The following TOP1MT variants were observed in gnomAD, a reference collection of about 807,000 sequenced individuals.
The protein encoded by TOP1MT is DNA topoisomerase I mitochondrial.
A neutral mutation model predicts 73.9 loss-of-function variants in TOP1MT; 80 were observed. The ratio of observed to expected loss-of-function variants is 1.08; its 90% CI spans 0.90 to 1.30. The LOEUF is 1.30. Ranked by LOEUF, TOP1MT falls within the 50% of genes most tolerant of loss-of-function variation. TOP1MT has a pLI of 0.00. For synonymous variants in TOP1MT, 338 were observed against 326.4 expected, an observed-to-expected ratio of 1.04 and a Z score of -0.38; for missense variants, 815 against 808.0, an observed-to-expected ratio of 1.01 and a Z score of -0.10.
chr8:143,355,921 T>C (rs978796059), intron 1 of TOP1MT: 1 of 152,174 alleles, frequency 6.6e-6, no homozygotes, highest in Non-Finnish European at 1.5e-5. Context: ...CACTGCCCCA[T>C]TTCACCTCAC....
chr8:143,313,465 G>A (rs975120212), intron 12 of TOP1MT, among the ~76,000 whole-genome samples: 20 of 149,520 alleles, frequency 1.3e-4, no homozygotes, highest in Non-Finnish European at 2.1e-4. Flanking sequence ...CAGGAGAATC[G>A]CTTGAACCCA....
At chr8:143,332,793 G>T (rs533427284) in intron 1 of TOP1MT, 39 of 349,116 alleles carry the variant, frequency 1.1e-4, no homozygotes, top group African/African-American at 8.2e-4. Context: ...AGCACTTTGG[G>T]AGGCTGAGGC....
chr8:143,339,254 C>T (rs1326891359), upstream of TOP1MT, among the ~76,000 whole-genome samples: 1 of 152,216 alleles, frequency 6.6e-6, no homozygotes, highest in Non-Finnish European at 1.5e-5. Flanking sequence ...AACCAAAATA[C>T]TGTCATTCAA....
chr8:143,343,557 G>T (rs545351876), intron 1 of TOP1MT: 2 of 274,644 alleles, frequency 7.3e-6, no homozygotes, highest in African/African-American at 4.4e-5. Context: ...TCCCGGCCTC[G>T]GGAAGAGTGG....
At chr8:143,350,542 G>A (rs917032381) in intron 1 of TOP1MT, among the ~76,000 whole-genome samples, 1 of 152,158 alleles carries the variant, frequency 6.6e-6, no homozygotes, top group African/African-American at 2.4e-5. Context: ...ATGTTGGCCA[G>A]GCTGGCCTCG....
intron 11 of TOP1MT, 36 bp downstream of exon 11, chr8:143,315,963 G>C: frequency 6.2e-7 from 1 of 1,613,864 alleles, no homozygotes; most frequent in South Asian, 1.1e-5. Flanking sequence ...GGGGTCCCTT[G>C]AGGGCTGGGC....
At chr8:143,343,132 A>G (rs1817161681) in intron 2 of TOP1MT, 1 of 453,870 alleles carries the variant, frequency 2.2e-6, no homozygotes, top group Admixed American at 2.4e-5. Flanking sequence ...TCATATCTGC[A>G]AGAATAAGCA....
intron 2 of TOP1MT, among the ~76,000 whole-genome samples, chr8:143,342,776 C>CTATTATTATTAT (rs748359888): frequency 0.29 from 22,735 of 78,030 alleles, 5,176 homozygotes; most frequent in South Asian, 0.52. Context: ...GAGTCTTGCT[C>CTATTATTATTAT]TATTATTATT....
upstream of TOP1MT, among the ~76,000 whole-genome samples, chr8:143,347,256 G>A (rs1563773472): frequency 6.6e-6 from 1 of 152,252 alleles, no homozygotes; most frequent in South Asian, 2.1e-4. Flanking sequence ...CTGGGTTCAC[G>A]CCGTTCTACT....
At chr8:143,335,680 G>C (rs1816970191), upstream of TOP1MT, among the ~76,000 whole-genome samples, 1 of 152,226 alleles carries the variant, frequency 6.6e-6, no homozygotes, top group Admixed American at 6.5e-5. Context: ...GTCTTCCCCG[G>C]TAAAACCCTG....
intron 1 of TOP1MT, among the ~76,000 whole-genome samples, chr8:143,353,275 G>A (rs1348023601): frequency 2.6e-5 from 4 of 152,090 alleles, no homozygotes; most frequent in African/African-American, 7.2e-5. Flanking sequence ...AATTAGCTGG[G>A]CGTGGTGACG....
At position 143,318,000 on chromosome 8, in the gene TOP1MT, A is replaced by G. The variant is rs1185741845; in HGVS notation, c.1215+18T>C. On this transcript the variant is annotated intron_variant, in intron 9 of 13. Coordinates refer to ENST00000329245, the MANE Select transcript of TOP1MT (RefSeq NM_052963.3). Reference sequence around the variant, plus strand: ...GTCCTGCCGCCGCCCACTGCTGAGGAAACACGAGCCGGCTTACGGTCAGCC... The same window carrying G: ...GTCCTGCCGCCGCCCACTGCTGAGGGAACACGAGCCGGCTTACGGTCAGCC... 6.2e-7 allele frequency: 1 copy of G among 1,614,090 alleles called. No homozygotes were observed. Among genetic ancestry groups the G allele is most frequent in the Non-Finnish European group, 8.5e-7 (1 of 1,179,974 alleles).
chr8:143,341,118 GC>G lies in TOP1MT; in HGVS notation c.29+2101del, dbSNP rs1817072108. On this transcript the variant is annotated intron_variant, in intron 2 of 5. Transcript: ENST00000518007. The surrounding 1 kb of genome is among the most constrained non-coding windows in gnomAD (Gnocchi z 4.1). ...CCCCACAGCTGAGGGTCTCAGGCTT[GC>G]CCCTAGCGTCCCCGCCACCCTCTTC... Among the ~76,000 whole-genome samples the G allele has an allele frequency of 6.6e-6, 1 of 152,156 alleles. No individual in the cohort carries two copies. The highest frequency in any genetic ancestry group is 6.5e-5 in the Admixed American group (1 of 15,284).
chr8:143,322,792 ATGCACACACACATGCATGCCACACACAGG>A lies in TOP1MT; in HGVS notation c.960+1178_960+1206del, dbSNP rs1414749263. On this transcript the variant is annotated intron_variant, in intron 7 of 13. Transcript: ENST00000329245. ...CGCCACACACAGGCACGCCACACAC[ATGCACACACACATGCATGCCACACACAGG>A]CACGCCACACACGCACACCACACAC... Among the ~76,000 whole-genome samples the A allele has an allele frequency of 2.1e-4, 6 of 28,720 alleles. 1 individual carries two copies. Among genetic ancestry groups the A allele is most frequent in the Non-Finnish European group, 2.5e-4 (4 of 16,322 alleles). The allele number at this position is 28,720 out of a possible 152,430, so 18.8% of individuals were successfully genotyped here.
At position 143,341,897 on chromosome 8, in the gene TOP1MT, CAG is replaced by C. The variant is rs1326776597; in HGVS notation, c.29+1321_29+1322del. Among the ~76,000 whole-genome samples, 4 of 152,076 alleles carry C rather than the reference CAG, an allele frequency of 2.6e-5. No individual in the cohort carries two copies. Among genetic ancestry groups the C allele is most frequent in the Admixed American group, 6.5e-5 (1 of 15,270 alleles). On this transcript the variant is annotated intron_variant, in intron 2 of 5. Transcript: ENST00000518007. The surrounding 1 kb of genome is among the most constrained non-coding windows in gnomAD (Gnocchi z 4.1). ...CCCTTCTTCTTCTTCTTATTAGCGA[CAG>C]AGTCTCACTCTGTTATTATTATTAT...
chr8:143,353,963 CA>C (rs1186472770), intron 1 of TOP1MT, among the ~76,000 whole-genome samples: 83 of 47,612 alleles, frequency 1.7e-3, no homozygotes, highest in Non-Finnish European at 2.1e-3. Context: ...GACTCCATCC[CA>C]AAAAAAAAAA....
rs561601299 is a variant in TOP1MT, at chr8:143,341,794, A to G, written c.29+1426T>C. Among the ~76,000 whole-genome samples the G allele has an allele frequency of 6.6e-6, 1 of 151,962 alleles. No homozygotes were observed. The highest frequency in any genetic ancestry group is 6.6e-5 in the Admixed American group (1 of 15,230). On this transcript the variant is annotated intron_variant, in intron 2 of 5. Coordinates refer to the TOP1MT transcript ENST00000518007. The surrounding 1 kb of genome is among the most constrained non-coding windows in gnomAD (Gnocchi z 4.1). Reference sequence around the variant, plus strand: ...GAAGGTCACAGAGCACTATCCCGACACCACTGCCCCATCTAGTGCTTCCTT... The same window carrying G: ...GAAGGTCACAGAGCACTATCCCGACGCCACTGCCCCATCTAGTGCTTCCTT...
At chr8:143,352,968 T>C (rs1817345303) in intron 1 of TOP1MT, among the ~76,000 whole-genome samples, 1 of 152,196 alleles carries the variant, frequency 6.6e-6, no homozygotes, top group South Asian at 2.1e-4. Context: ...AACACATAAA[T>C]TGAACTCAGG....
rs1284244107 is a variant in TOP1MT at position 143,321,393 on chromosome 8, G to A, written c.961-7C>T. ...TTCCTGCTCTCAGTGCCAGCTAGTT[G>A]GTGGGGAATGGTCAAAGTGGGTGGT... On this transcript the variant is annotated splice_polypyrimidine_tract_variant and splice_region_variant and intron_variant, in intron 7 of 13. Transcript: ENST00000329245. The A allele has an allele frequency of 1.9e-6, 3 of 1,571,600 alleles. No homozygotes were observed. The African/African-American group carries it at 4.1e-5, about 21-fold the overall frequency.
Sources: allele counts gnomAD v4.1 joint callset (sites outside exome capture counted in the v4.1 genomes callset), GRCh38; gene constraint gnomAD v4.1.1; non-coding constraint Gnocchi (gnomAD v3.1); transcripts MANE v1.5; gene names NCBI Gene and HGNC (gene_info 2026-07-23, HGNC 2026-07-21).